CR1: variants seen among roughly 807,000 people sequenced by gnomAD.
CR1 encodes the protein complement receptor type 1.
CR1 carries 116 observed loss-of-function variants against 187.3 expected under a neutral mutation model. That is an observed-to-expected ratio of 0.62 (90% CI 0.53 to 0.72). The LOEUF (loss-of-function observed/expected upper bound fraction) is 0.72. Among genes scored for constraint, CR1 ranks in the 30% least tolerant of loss-of-function variants. The pLI, the probability that CR1 is intolerant of heterozygous loss-of-function variation, is 0.00. For missense variants in CR1, 1,731 were observed against 2,110.7 expected, an observed-to-expected ratio of 0.82 and a Z score of 3.52; for synonymous variants, 576 against 747.1, an observed-to-expected ratio of 0.77 and a Z score of 3.73.
Position 207,496,401 on chromosome 1 carries a change from C to G in CR1, c.121+13C>G, listed in dbSNP as rs758902493. ...CCGGTGGCCTGGGGTGAGAGGCGGG[C>G]GGGCGTGGGGAGGCGCCCGGGCGGA... On this transcript the variant is annotated intron_variant, in intron 1 of 46. Transcript: ENST00000367049. 4.0e-5 allele frequency: 64 copies of G among 1,600,230 alleles called. No homozygotes were observed. Among genetic ancestry groups the G allele is most frequent in the Admixed American group, 1.7e-5 (1 of 57,856 alleles).
chr1:207,610,486 C>T (rs904591488), intron 37 of CR1, among the ~76,000 whole-genome samples: 7 of 152,062 alleles, frequency 4.6e-5, no homozygotes, highest in Admixed American at 4.6e-4. Context: ...GTGCTCACTA[C>T]CACACCTGGC....
intron 4 of CR1, 89 bp downstream of exon 4, chr1:207,511,743 T>A: frequency 7.7e-7 from 1 of 1,291,768 alleles, no homozygotes; most frequent in South Asian, 1.3e-5. Context: ...ATTCCTTCTG[T>A]GCAATCTGTC....
chr1:207,587,176 A>T (rs1195798587), intron 33 of CR1, among the ~76,000 whole-genome samples: 1 of 152,246 alleles, frequency 6.6e-6, no homozygotes, highest in Non-Finnish European at 1.5e-5. Context: ...CAGAAAGCTG[A>T]GTGGTCTTCC....
In CR1 at chr1:207,584,721, A is replaced by G. The variant is rs752282568; in HGVS notation, c.5375A>G (p.Tyr1792Cys). 1 of 1,613,766 alleles carries G rather than the reference A, an allele frequency of 6.2e-7. No homozygotes were observed. Reference protein sequence around the residue: ...HTGTPSGDIPYGKEISYTCDP... With the variant: ...HTGTPSGDIPCGKEISYTCDP... ...GGAACTCCCTCTGGAGATATTCCCT[A>G]TGGAAAAGAAATATCTTACACATGT... Residue 1792 changes from tyrosine to cysteine, a missense_variant, in exon 33 of 47, where the codon TAT (tyrosine) becomes TGT (cysteine). Tyr to Cys is a radical substitution (Grantham distance 194, BLOSUM62 -2). Coordinates refer to ENST00000367049, the MANE Select transcript of CR1 (RefSeq NM_000651.6).
At chr1:207,638,278 T>A (rs1170248666) in intron 46 of CR1, among the ~76,000 whole-genome samples, 3 of 152,252 alleles carry the variant, frequency 2.0e-5, no homozygotes, top group South Asian at 2.1e-4. Context: ...TCAGTTTTGA[T>A]CTTTTTCTGG....
chr1:207,604,435 A>C (rs958249583), intron 35 of CR1, among the ~76,000 whole-genome samples: 1 of 152,200 alleles, frequency 6.6e-6, no homozygotes, highest in African/African-American at 2.4e-5. Context: ...TAAATCACCT[A>C]GTTCTTTTAT....
At chr1:207,509,825 AC>A (rs1202879510) in intron 3 of CR1, among the ~76,000 whole-genome samples, 1 of 152,170 alleles carries the variant, frequency 6.6e-6, no homozygotes, top group Non-Finnish European at 1.5e-5. Context: ...GCTGTTCTTC[AC>A]TTCATTTGTT....
intron 1 of CR1, 52 bp downstream of exon 1, chr1:207,496,440 G>A (rs1168382511): frequency 3.1e-5 from 48 of 1,539,404 alleles, no homozygotes; most frequent in Non-Finnish European, 2.8e-5. Flanking sequence ...GGAACCCGGG[G>A]CCCCGCAGAG....
At position 207,619,984 on chromosome 1, in the gene CR1, G is replaced by T. The variant is rs1305661090; in HGVS notation, c.7171G>T (p.Gly2391Trp). Reference protein sequence around the residue: ...GDYVTLKCEDGYTLEGSPWSQ... With the variant: ...GDYVTLKCEDWYTLEGSPWSQ... Reference sequence around the variant, plus strand: ...TTATGTGACTTTGAAGTGTGAAGATGGGTATACTCTGGAAGGCAGTCCCTG... The same window carrying T: ...TTATGTGACTTTGAAGTGTGAAGATTGGTATACTCTGGAAGGCAGTCCCTG... Residue 2391 changes from glycine (G) to tryptophan (W), a missense_variant, in exon 43 of 47, where the codon GGG becomes TGG. Physicochemically the swap from Gly to Trp is radical, Grantham distance 184. Transcript: ENST00000367049. The T allele has an allele frequency of 6.2e-7, 1 of 1,613,784 alleles. No homozygotes were observed. Among genetic ancestry groups the T allele is most frequent in the Non-Finnish European group, 8.5e-7 (1 of 1,179,810 alleles).
At chr1:207,497,189 T>C (rs907217254) in intron 1 of CR1, among the ~76,000 whole-genome samples, 4 of 152,242 alleles carry the variant, frequency 2.6e-5, no homozygotes, top group Non-Finnish European at 5.9e-5. Context: ...GAAGGGACAG[T>C]AGATATGTTT....
At chr1:207,578,449 C>A (rs1340286960) in intron 29 of CR1, among the ~76,000 whole-genome samples, 1 of 152,210 alleles carries the variant, frequency 6.6e-6, no homozygotes, top group African/African-American at 2.4e-5. Flanking sequence ...TTATTTGATT[C>A]TCAGGGCAAA....
intron 40 of CR1, among the ~76,000 whole-genome samples, chr1:207,614,918 T>C (rs1662049185): frequency 6.6e-6 from 1 of 152,116 alleles, no homozygotes. Flanking sequence ...CAAATGACCC[T>C]CGCACCTCAG....
chr1:207,603,467 A>G (rs1661663549), intron 35 of CR1, among the ~76,000 whole-genome samples: 1 of 152,140 alleles, frequency 6.6e-6, no homozygotes, highest in African/African-American at 2.4e-5. Flanking sequence ...GGAATCATAA[A>G]TATCTTACTT....
chr1:207,576,591 G>C (rs1660752581), intron 28 of CR1, among the ~76,000 whole-genome samples: 1 of 152,208 alleles, frequency 6.6e-6, no homozygotes, highest in African/African-American at 2.4e-5. Flanking sequence ...GCCTAGGTGA[G>C]CAGATGGCTT....
chr1:207,639,096 G>C (rs1454796400), intron 46 of CR1, among the ~76,000 whole-genome samples: 4 of 152,220 alleles, frequency 2.6e-5, no homozygotes, highest in Admixed American at 2.6e-4. Flanking sequence ...TCCCGACAAT[G>C]GTTGCCCATT....
chr1:207,605,595 C>T (rs1410088460), intron 35 of CR1, among the ~76,000 whole-genome samples: 2 of 152,094 alleles, frequency 1.3e-5, no homozygotes, highest in South Asian at 2.1e-4. Flanking sequence ...TTAGTCACAG[C>T]GAGCACATCT....
intron 3 of CR1, among the ~76,000 whole-genome samples, chr1:207,509,769 G>C (rs1455356669): frequency 6.6e-6 from 1 of 152,154 alleles, no homozygotes; most frequent in East Asian, 1.9e-4. Context: ...AGGATCCCTT[G>C]TTCCTAAGAC....
Position 207,580,360 on chromosome 1 carries a change from C to A in CR1, c.5057C>A (p.Ala1686Glu), listed in dbSNP as rs539603642. The A allele has an allele frequency of 6.2e-7, 1 of 1,613,982 alleles. No homozygotes were observed. Among genetic ancestry groups the A allele is most frequent in the Non-Finnish European group, 8.5e-7 (1 of 1,179,872 alleles). The change falls in exon 30 of 47, where the codon GCG (alanine) becomes GAG (glutamate). Residue 1686 changes from alanine (A) to glutamate (E), a missense_variant. Transcript: ENST00000367049. The part of the protein sequence containing the change: ...CEPGYDLRGA[A>E]SLHCTPQGDW... ...CCTGGCTATGACCTCAGAGGGGCTG[C>A]GTCTCTGCACTGCACACCCCAGGGA...
At chr1:207,504,488 A>G (rs1659368873) in intron 1 of CR1, among the ~76,000 whole-genome samples, 1 of 138,738 alleles carries the variant, frequency 7.2e-6, no homozygotes, top group African/African-American at 3.0e-5. Context: ...TAAATAAAAT[A>G]TTTTAACACA....
Sources: allele counts gnomAD v4.1 joint callset (sites outside exome capture counted in the v4.1 genomes callset), GRCh38; gene constraint gnomAD v4.1.1; transcripts MANE v1.5; gene names NCBI Gene and HGNC (gene_info 2026-07-23, HGNC 2026-07-21).